Variants in SPAG16 observed in about 807,000 individuals in gnomAD.
SPAG16 encodes sperm associated antigen 16.
Under a neutral mutation model 80.4 loss-of-function variants are expected in SPAG16, and 86 were observed. The observed-to-expected ratio is 1.07, with a 90% CI of 0.90 to 1.28. The LOEUF (loss-of-function observed/expected upper bound fraction) is 1.28. SPAG16 is among the 50% of genes most tolerant of loss of function. The probability of loss-of-function intolerance (pLI) is 0.00; values close to 1 mark genes in which losing one functional copy is unlikely to be tolerated. For missense variants in SPAG16, 870 were observed against 765.3 expected (o/e 1.14, Z -1.61); for synonymous variants, 294 against 265.9 (o/e 1.11, Z -1.03).
chr2:213,321,572 G>A (rs1046392355), intron 5 of SPAG16, among the ~76,000 whole-genome samples: 5 of 151,948 alleles, frequency 3.3e-5, no homozygotes, highest in Admixed American at 2.6e-4. Context: ...ATTCAGCAAC[G>A]ATGAAGTATG....
intron 12 of SPAG16, among the ~76,000 whole-genome samples, chr2:213,952,927 A>T (rs1018209254): frequency 2.0e-5 from 3 of 152,096 alleles, no homozygotes; most frequent in African/African-American, 7.2e-5. Context: ...CAATCACCAG[A>T]TATCTTAAAA....
At chr2:213,448,911 G>C (rs548235502) in intron 9 of SPAG16, among the ~76,000 whole-genome samples, 40 of 152,204 alleles carry the variant, frequency 2.6e-4, no homozygotes, top group African/African-American at 8.7e-4. Flanking sequence ...GATTTTTATG[G>C]AACAAGGGAA....
chr2:214,074,904 C>T (rs2050992349), intron 13 of SPAG16, among the ~76,000 whole-genome samples: 1 of 152,040 alleles, frequency 6.6e-6, no homozygotes, highest in Admixed American at 6.6e-5. Context: ...AGCAAGGATG[C>T]AGAGTGGGAA....
intron 9 of SPAG16, among the ~76,000 whole-genome samples, chr2:213,399,335 A>T (rs968841078): frequency 6.6e-6 from 1 of 151,942 alleles, no homozygotes; most frequent in Non-Finnish European, 1.5e-5. Flanking sequence ...GAGTATATTA[A>T]TTTTTTTGAC....
At chr2:213,408,475 C>T (rs890372396) in intron 9 of SPAG16, among the ~76,000 whole-genome samples, 5 of 152,226 alleles carry the variant, frequency 3.3e-5, no homozygotes, top group Non-Finnish European at 5.9e-5. Flanking sequence ...AAAAAGGTAG[C>T]TTACTAACTC....
intron 15 of SPAG16, chr2:214,280,655 C>T (rs879486002): frequency 4.1e-5 from 12 of 294,438 alleles, no homozygotes; most frequent in Admixed American, 3.3e-4. Context: ...GTAGCCTGCC[C>T]CTGAGCTGTG....
At chr2:213,330,621 G>C (rs954870422) in intron 5 of SPAG16, among the ~76,000 whole-genome samples, 22 of 152,196 alleles carry the variant, frequency 1.4e-4, no homozygotes, top group African/African-American at 5.3e-4. Flanking sequence ...TCTCAGATAA[G>C]ACTTTGGACT....
chr2:213,711,656 A>G (rs926241492), intron 10 of SPAG16, among the ~76,000 whole-genome samples: 2 of 151,702 alleles, frequency 1.3e-5, no homozygotes, highest in East Asian at 1.9e-4. Context: ...AGTAGCTGAG[A>G]TTACAGGTGT....
intron 15 of SPAG16, among the ~76,000 whole-genome samples, chr2:214,259,022 T>A (rs990781776): frequency 6.6e-6 from 1 of 152,100 alleles, no homozygotes; most frequent in Admixed American, 6.6e-5. Context: ...AACAACTGAG[T>A]CATCTTAGTG....
At chr2:213,885,090 TG>T (rs1275349788) in intron 11 of SPAG16, among the ~76,000 whole-genome samples, 1 of 152,170 alleles carries the variant, frequency 6.6e-6, no homozygotes. Flanking sequence ...GTTCTTGTGC[TG>T]ATTTTTGTAC....
intron 11 of SPAG16, among the ~76,000 whole-genome samples, chr2:213,910,380 CAAACA>C (rs1352626697): frequency 1.3e-5 from 2 of 151,634 alleles, no homozygotes; most frequent in African/African-American, 2.4e-5. Context: ...CTCATTTCAG[CAAACA>C]AAACAAAACA....
At position 213,444,316 on chromosome 2, in the gene SPAG16, C is replaced by CT. The variant is rs200402525; in HGVS notation, c.943-45643dup. 8.6e-3 allele frequency among the ~76,000 whole-genome samples: 1,314 copies of CT among 152,268 alleles called. 20 individuals carry two copies. Among genetic ancestry groups the CT allele is most frequent in the African/African-American group, 0.03 (1,226 of 41,538 alleles). On this transcript the variant is annotated intron_variant, in intron 9 of 15. Coordinates refer to ENST00000331683, the MANE Select transcript of SPAG16 (RefSeq NM_024532.5). The stretch of plus-strand genomic sequence containing the variant: ...AGTTTGTGGCATATGTGTGTCTCAG[C>CT]TTTTCCTTCCTTTTTTGATGCAGAT...
chr2:213,607,178 C>A (rs2061292342), intron 10 of SPAG16, among the ~76,000 whole-genome samples: 1 of 152,126 alleles, frequency 6.6e-6, no homozygotes, highest in Admixed American at 6.5e-5. Flanking sequence ...CTTCCATGAA[C>A]ATATTTTACA....
intron 15 of SPAG16, among the ~76,000 whole-genome samples, chr2:214,403,477 C>T (rs1701828765): frequency 6.6e-6 from 1 of 151,808 alleles, no homozygotes; most frequent in Non-Finnish European, 1.5e-5. Context: ...GCCTATTTTA[C>T]ATTCTTTCTT....
At chr2:214,184,345 A>G (rs1055650035) in intron 15 of SPAG16, among the ~76,000 whole-genome samples, 12 of 152,088 alleles carry the variant, frequency 7.9e-5, no homozygotes, top group African/African-American at 1.4e-4. Flanking sequence ...AAGCTTTATT[A>G]GTAATACTAA....
At chr2:213,407,492 T>C (rs566154979) in intron 9 of SPAG16, among the ~76,000 whole-genome samples, 15 of 151,822 alleles carry the variant, frequency 9.9e-5, no homozygotes, top group African/African-American at 3.6e-4. Context: ...ATTTCAAGGG[T>C]TGAACTTGAC....
chr2:213,699,510 C>A (rs1243153238), intron 10 of SPAG16, among the ~76,000 whole-genome samples: 1 of 152,062 alleles, frequency 6.6e-6, no homozygotes, highest in Non-Finnish European at 1.5e-5. Flanking sequence ...GACCACCTGG[C>A]AAATACTAAT....
At chr2:213,825,088 C>G (rs2073192125) in intron 10 of SPAG16, among the ~76,000 whole-genome samples, 1 of 152,010 alleles carries the variant, frequency 6.6e-6, no homozygotes, top group South Asian at 2.1e-4. Context: ...TTGTTTCCTG[C>G]AACTCTACTG....
chr2:213,694,252 G>C (rs1023549708), intron 10 of SPAG16, among the ~76,000 whole-genome samples: 1 of 152,068 alleles, frequency 6.6e-6, no homozygotes, highest in Non-Finnish European at 1.5e-5. Context: ...AAAATTTATG[G>C]ACAAAATAGA....
Sources: gnomAD v4.1 joint callset for allele counts (sites outside exome capture counted in the v4.1 genomes callset) on GRCh38, gnomAD v4.1.1 for gene constraint, MANE v1.5 for transcripts, NCBI Gene and HGNC (gene_info 2026-07-23, HGNC 2026-07-21) for gene names.